The following GLOD5 variants were observed in gnomAD, a reference collection of about 807,000 sequenced individuals.
GLOD5 encodes glyoxalase domain containing 5, also known as glyoxalase domain-containing protein 5.
GLOD5 carries 7 observed loss-of-function variants against 9.9 expected under a neutral mutation model. The ratio of observed to expected loss-of-function variants is 0.71; its 90% CI spans 0.40 to 1.33. GLOD5 has a LOEUF of 1.33. Ranked by LOEUF, GLOD5 falls within the 40% of genes most tolerant of loss-of-function variation. The pLI is 0.01. For missense variants in GLOD5, 146 were observed against 128.4 expected (o/e 1.14, Z -0.66); for synonymous variants, 49 against 47.3 (o/e 1.04, Z -0.14).
rs782433804 is a variant in GLOD5, at chrX:48,773,332, A to T, written c.380A>T (p.Glu127Val). 1 of 1,209,954 alleles carries T rather than the reference A, an allele frequency of 8.3e-7. No homozygotes were observed. The highest frequency in any genetic ancestry group is 3.0e-5 in the East Asian group (1 of 33,817). ...HLKACDVPIE[E>V]GPVPRTGAKG... ...CAGGCTTGTGATGTCCCTATTGAGG[A>T]GGGGCCAGTCCCCAGAACAGGGGCA... The change falls in exon 4 of 4, where the codon GAG (glutamate) becomes GTG (valine). Residue 127 changes from glutamate to valine, a missense_variant. Physicochemically the swap from Glu to Val is moderately radical, Grantham distance 121. Transcript: ENST00000303227.
chrX:48,761,888 G>C, intron 1 of GLOD5, 35 bp downstream of exon 1: 1 of 1,077,476 alleles, frequency 9.3e-7, no homozygotes, highest in Non-Finnish European at 1.3e-6. Flanking sequence ...CTGGGGCAAG[G>C]GTGTTGGCAC....
chrX:48,762,830 C>T (rs1286881536), intron 1 of GLOD5, among the ~76,000 whole-genome samples: 2 of 111,252 alleles, frequency 1.8e-5, no homozygotes, highest in African/African-American at 6.5e-5. Context: ...CCTGCCTTGC[C>T]CTCCCACTTA....
intron 1 of GLOD5, among the ~76,000 whole-genome samples, chrX:48,762,587 T>C (rs1256609704): frequency 9.2e-6 from 1 of 108,582 alleles, no homozygotes; most frequent in Admixed American, 1.0e-4. Context: ...CAGGTGCACG[T>C]CACCATGCCC....
At chrX:48,769,017 G>A (rs6609793) in intron 2 of GLOD5, among the ~76,000 whole-genome samples, 10 of 104,392 alleles carry the variant, frequency 9.6e-5, no homozygotes, top group East Asian at 3.0e-4. Flanking sequence ...GTGACAGAGC[G>A]AGACTCTGTC....
intron 2 of GLOD5, among the ~76,000 whole-genome samples, chrX:48,766,747 T>A (rs1319350776): frequency 1.9e-5 from 2 of 106,554 alleles, no homozygotes; most frequent in East Asian, 2.9e-4. Flanking sequence ...CAAGACTGTA[T>A]CAAAAAAAAT....
At chrX:48,772,260 G>A (rs1048359990) in intron 3 of GLOD5, among the ~76,000 whole-genome samples, 9 of 110,714 alleles carry the variant, frequency 8.1e-5, no homozygotes, top group African/African-American at 3.0e-4. Context: ...TAAGGCTGGG[G>A]CACAGTGGCT....
chrX:48,768,703 C>T (rs2062614789), intron 2 of GLOD5, among the ~76,000 whole-genome samples: 1 of 112,004 alleles, frequency 8.9e-6, no homozygotes, highest in African/African-American at 3.2e-5. Flanking sequence ...CCTACAACTG[C>T]ACACTGAGCC....
At chrX:48,766,985 CAAAAA>C (rs782648787) in intron 2 of GLOD5, among the ~76,000 whole-genome samples, 2 of 3,020 alleles carry the variant, frequency 6.6e-4, no homozygotes, top group Non-Finnish European at 1.1e-3. Context: ...GATTCCATCT[CAAAAA>C]AAAAAAAAAA....
At chrX:48,765,577 C>CAAAAAAAAAAAAAAAAAAAAA in intron 1 of GLOD5, 1 of 177,972 alleles carries the variant, frequency 5.6e-6, no homozygotes. Context: ...GACTCTGTCT[C>CAAAAAAAAAAAAAAAAAAAAA]AAAAAAAAAA....
intron 2 of GLOD5, among the ~76,000 whole-genome samples, chrX:48,770,103 C>G (rs1364080237): frequency 9.2e-6 from 1 of 109,062 alleles, no homozygotes; most frequent in Admixed American, 9.9e-5. Context: ...AGCAAAACCC[C>G]ATCTCTACTA....
chrX:48,770,325 G>T (rs2062619115), intron 2 of GLOD5, among the ~76,000 whole-genome samples: 1 of 112,069 alleles, frequency 8.9e-6, no homozygotes, highest in South Asian at 3.7e-4. Flanking sequence ...TGGTGCATCA[G>T]TTAGGGACTT....
intron 2 of GLOD5, among the ~76,000 whole-genome samples, chrX:48,767,713 T>C (rs1181417106): frequency 9.0e-6 from 1 of 110,813 alleles, no homozygotes; most frequent in African/African-American, 3.3e-5. Context: ...CCATCTCAAA[T>C]AGATAAATTA....
At chrX:48,768,943 T>C (rs1303076542) in intron 2 of GLOD5, among the ~76,000 whole-genome samples, 1 of 108,038 alleles carries the variant, frequency 9.3e-6, no homozygotes, top group Non-Finnish European at 1.9e-5. Context: ...GGCAGGAGAA[T>C]TGCTTGAACT....
chrX:48,766,034 A>G, intron 2 of GLOD5, 62 bp downstream of exon 2: 1 of 1,026,904 alleles, frequency 9.7e-7, no homozygotes, highest in Non-Finnish European at 1.4e-6. Flanking sequence ...ACACTTTAAC[A>G]TATAACTTAA....
intron 2 of GLOD5, among the ~76,000 whole-genome samples, chrX:48,768,229 C>T (rs1422473439): frequency 3.6e-5 from 4 of 112,350 alleles, no homozygotes; most frequent in East Asian, 5.6e-4. Flanking sequence ...CACAGCAACA[C>T]GGACGGGTCT....
chrX:48,773,445 G>A lies in GLOD5; in HGVS notation c.*10G>A, dbSNP rs1300250078. ...CTACATCTCCTCGTGATGGAGGCTG[G>A]ACCTCCTCCATTCTGTCCCCCTTGA... On this transcript the variant is annotated 3_prime_UTR_variant, in exon 4 of 4. Coordinates refer to ENST00000303227, the MANE Select transcript of GLOD5 (RefSeq NM_001080489.3). The A allele has an allele frequency of 8.3e-7, 1 of 1,206,477 alleles. No individual in the cohort carries two copies. The highest frequency in any genetic ancestry group is 1.1e-6 in the Non-Finnish European group (1 of 892,416).
At chrX:48,767,015 G>C (rs1417924572) in intron 2 of GLOD5, among the ~76,000 whole-genome samples, 1 of 20,629 alleles carries the variant, frequency 4.8e-5, no homozygotes, top group Non-Finnish European at 1.0e-4. Context: ...ACCAACATTG[G>C]ATGACTATGA....
rs1011733697 is a variant in GLOD5, at chrX:48,761,757, C to T, written c.-34C>T. On this transcript the variant is annotated 5_prime_UTR_variant, in exon 1 of 4. Transcript: ENST00000303227. ...TCCAGGCGCTGAGCCAGAGGATTGT[C>T]GGGAGGACCCTGGGCAAAGACGCCT... 24 of 1,137,444 alleles carry T rather than the reference C, an allele frequency of 2.1e-5. No homozygotes were observed. The highest frequency in any genetic ancestry group is 5.5e-5 in the African/African-American group (3 of 54,541). 93.7% of individuals were successfully genotyped at this position (1,137,444 alleles called of 1,213,427 possible). A position where few individuals can be genotyped will look rare whatever the true frequency, so the allele number is the denominator to read the frequency against.
At chrX:48,766,985 CA>C (rs782648787) in intron 2 of GLOD5, among the ~76,000 whole-genome samples, 54 of 3,016 alleles carry the variant, frequency 0.018, 8 homozygotes, top group South Asian at 0.1. Flanking sequence ...GATTCCATCT[CA>C]AAAAAAAAAA....
Sources: gnomAD v4.1 joint callset for allele counts (sites outside exome capture counted in the v4.1 genomes callset) on GRCh38, gnomAD v4.1.1 for gene constraint, MANE v1.5 for transcripts, NCBI Gene and HGNC (gene_info 2026-07-23, HGNC 2026-07-21) for gene names.